Variants in CAMTA1 observed in about 807,000 individuals in gnomAD.
CAMTA1 encodes calmodulin binding transcription activator 1.
A neutral mutation model predicts 170.9 loss-of-function variants in CAMTA1; 27 were observed. The observed-to-expected ratio is 0.16, with a 90% CI of 0.12 to 0.22. The LOEUF (loss-of-function observed/expected upper bound fraction) is 0.22. Among genes scored for constraint, CAMTA1 ranks in the 10% least tolerant of loss-of-function variants. CAMTA1 has a pLI of 1.00. For missense variants in CAMTA1, 1,619 were observed against 2,217.2 expected (o/e 0.73, Z 5.42); for synonymous variants, 833 against 891.5 (o/e 0.93, Z 1.17).
At chr1:6,938,800 T>C (rs1319330429) in intron 3 of CAMTA1, among the ~76,000 whole-genome samples, 1 of 152,098 alleles carries the variant, frequency 6.6e-6, no homozygotes, top group East Asian at 1.9e-4. Flanking sequence ...TTGACTGCGG[T>C]ATAGACTGAC....
chr1:6,812,114 A>C (rs1165083909), intron 1 of CAMTA1, among the ~76,000 whole-genome samples: 1 of 152,172 alleles, frequency 6.6e-6, no homozygotes, highest in Non-Finnish European at 1.5e-5. Context: ...CGTTTGCCTT[A>C]GCTTTCTCTC....
intron 5 of CAMTA1, among the ~76,000 whole-genome samples, chr1:7,250,760 C>G (rs1256795030): frequency 6.6e-6 from 1 of 152,056 alleles, no homozygotes; most frequent in Non-Finnish European, 1.5e-5. Flanking sequence ...AATAACAATG[C>G]TTTATGGAGA....
intron 3 of CAMTA1, among the ~76,000 whole-genome samples, chr1:6,968,510 C>T (rs996675267): frequency 1.3e-5 from 2 of 152,114 alleles, no homozygotes; most frequent in Non-Finnish European, 2.9e-5. Context: ...CTACTGCGTG[C>T]CAGGTGCTGT....
Position 7,741,502 on chromosome 1 carries a change from C to T in CAMTA1, c.4182+3020C>T, listed in dbSNP as rs569803994. Among the ~76,000 whole-genome samples, 181 of 151,322 alleles carry T rather than the reference C, an allele frequency of 1.2e-3. 1 individual carries two copies. Among genetic ancestry groups the T allele is most frequent in the Admixed American group, 2.7e-3 (41 of 15,208 alleles). On this transcript the variant is annotated intron_variant, in intron 16 of 22. Coordinates refer to ENST00000303635, the MANE Select transcript of CAMTA1 (RefSeq NM_015215.4). ...GCGTGAACCCAGGAGGCAGAGCTTG[C>T]AGCTAGCCGACATCGCACCACTGCA...
Position 7,455,868 on chromosome 1 carries a change from C to G in CAMTA1, c.439-11962C>G, listed in dbSNP as rs1426998229. On this transcript the variant is annotated intron_variant, in intron 5 of 22. Coordinates refer to ENST00000303635, the MANE Select transcript of CAMTA1 (RefSeq NM_015215.4). This position sits in a 1 kb window ranked among gnomAD's most constrained non-coding sequence, Gnocchi z 5.0. ...TGGGCTCCTGGCATCTGCATCTGCT[C>G]TCCTCTGGGAATGGCAGATGAGTAG... Among the ~76,000 whole-genome samples the G allele has an allele frequency of 1.3e-5, 2 of 152,230 alleles. No homozygotes were observed. The highest frequency in any genetic ancestry group is 2.9e-5 in the Non-Finnish European group (2 of 68,040).
chr1:7,362,291 T>C (rs1342987330), intron 5 of CAMTA1, among the ~76,000 whole-genome samples: 4 of 152,208 alleles, frequency 2.6e-5, no homozygotes, highest in African/African-American at 9.6e-5. Flanking sequence ...GTTAGTGGAC[T>C]TGGGTAGAGT....
At chr1:7,032,984 T>G (rs1484540449) in intron 3 of CAMTA1, among the ~76,000 whole-genome samples, 1 of 144,404 alleles carries the variant, frequency 6.9e-6, no homozygotes, top group Non-Finnish European at 1.6e-5. Context: ...CTTTTAGGAT[T>G]TTTTCTTTAT....
At chr1:7,694,647 G>GC (rs2096355400) in intron 11 of CAMTA1, 1 of 152,562 alleles carries the variant, frequency 6.6e-6, no homozygotes, top group Non-Finnish European at 1.5e-5. Flanking sequence ...CATTTGCTGT[G>GC]CGGGGTTGTA....
chr1:7,062,889 A>G (rs1708453107), intron 3 of CAMTA1, among the ~76,000 whole-genome samples: 1 of 151,896 alleles, frequency 6.6e-6, no homozygotes, highest in Admixed American at 6.6e-5. Flanking sequence ...GCCTCCCCCA[A>G]CCTGTGCGTC....
At chr1:6,860,396 T>C (rs911592868) in intron 3 of CAMTA1, among the ~76,000 whole-genome samples, 1 of 152,206 alleles carries the variant, frequency 6.6e-6, no homozygotes, top group African/African-American at 2.4e-5. Flanking sequence ...ATGGTTATTA[T>C]TGAGTCATTG....
At chr1:7,596,033 G>A (rs1009270839) in intron 6 of CAMTA1, among the ~76,000 whole-genome samples, 2 of 152,218 alleles carry the variant, frequency 1.3e-5, no homozygotes, top group Non-Finnish European at 2.9e-5. Flanking sequence ...AGCAAGCTGG[G>A]CAATTTAGCT....
intron 10 of CAMTA1, among the ~76,000 whole-genome samples, chr1:7,672,494 T>C (rs761073148): frequency 1.1e-4 from 17 of 152,146 alleles, no homozygotes; most frequent in Non-Finnish European, 2.4e-4. Flanking sequence ...CAATCTCGGC[T>C]CACTGCAACC....
In CAMTA1 at chr1:7,562,839, C is replaced by A. The variant is rs1163002703; in HGVS notation, c.511-77561C>A. On this transcript the variant is annotated intron_variant, in intron 6 of 22. Transcript: ENST00000303635. The surrounding 1 kb of genome is among the most constrained non-coding windows in gnomAD (Gnocchi z 4.8). ...GCGGACGGGATGACAGGCCCTCTAA[C>A]CCCACCGCCCACTCACCTGCAGCCT... Among the ~76,000 whole-genome samples the A allele has an allele frequency of 6.6e-6, 1 of 152,200 alleles. No individual in the cohort carries two copies. The highest frequency in any genetic ancestry group is 2.4e-5 in the African/African-American group (1 of 41,458).
intron 6 of CAMTA1, among the ~76,000 whole-genome samples, chr1:7,513,811 AC>A (rs951637657): frequency 1.3e-5 from 2 of 152,054 alleles, no homozygotes; most frequent in African/African-American, 4.8e-5. Context: ...AATTCCAGCT[AC>A]CCTGGAGGCC....
chr1:7,045,174 C>T (rs982610872), intron 3 of CAMTA1, among the ~76,000 whole-genome samples: 6 of 152,118 alleles, frequency 3.9e-5, no homozygotes, highest in Non-Finnish European at 5.9e-5. Context: ...ATCATCCCCA[C>T]GTTTTAGACG....
intron 6 of CAMTA1, among the ~76,000 whole-genome samples, chr1:7,493,193 A>G (rs1460049814): frequency 6.6e-6 from 1 of 150,774 alleles, no homozygotes; most frequent in Non-Finnish European, 1.5e-5. Context: ...AAACACGCAC[A>G]CACACAAACA....
In CAMTA1 at chr1:7,547,056, A is replaced by G. The variant is rs116892486; in HGVS notation, c.510+79155A>G. ...ATTCAATGGATTATAATCTATTACC[A>G]TTGTTATTTATTTCAGTGTTCATGT... is the stretch of plus-strand genomic sequence containing the variant. On this transcript the variant is annotated intron_variant, in intron 6 of 22. Coordinates refer to ENST00000303635, the MANE Select transcript of CAMTA1 (RefSeq NM_015215.4). The surrounding 1 kb of genome is among the most constrained non-coding windows in gnomAD (Gnocchi z 5.7). Among the ~76,000 whole-genome samples, 60 of 152,184 alleles carry G rather than the reference A, an allele frequency of 3.9e-4. 3 individuals carry two copies. The East Asian group carries it at 0.011, about 29-fold the overall frequency.
intron 16 of CAMTA1, among the ~76,000 whole-genome samples, chr1:7,741,507 A>G (rs953941297): frequency 1.3e-5 from 2 of 151,880 alleles, no homozygotes; most frequent in South Asian, 2.1e-4. Context: ...GCTTGCAGCT[A>G]GCCGACATCG....
intron 3 of CAMTA1, among the ~76,000 whole-genome samples, chr1:7,090,887 C>T (rs548722505): frequency 6.6e-6 from 1 of 152,294 alleles, no homozygotes; most frequent in Non-Finnish European, 1.5e-5. Flanking sequence ...TGCGACGTCT[C>T]TTGTGACAGA....
Sources: allele counts gnomAD v4.1 joint callset (sites outside exome capture counted in the v4.1 genomes callset), GRCh38; gene constraint gnomAD v4.1.1; non-coding constraint Gnocchi (gnomAD v3.1); transcripts MANE v1.5; gene names NCBI Gene and HGNC (gene_info 2026-07-23, HGNC 2026-07-21).